The following PTN variants were observed in gnomAD, a reference collection of about 807,000 sequenced individuals.
PTN encodes the protein pleiotrophin.
In PTN, 18 loss-of-function variants were observed where a neutral mutation model predicts 24.1. The ratio of observed to expected loss-of-function variants is 0.75; its 90% CI spans 0.52 to 1.11. PTN has a LOEUF of 1.11. Among genes scored for constraint, PTN ranks in the 50% least tolerant of loss-of-function variants. PTN has a pLI of 0.00. For synonymous variants in PTN, 78 were observed against 68.6 expected (o/e 1.14, Z -0.67); for missense variants, 163 against 198.8 (o/e 0.82, Z 1.08).
At chr7:137,243,156 C>T (rs753617542) in intron 4 of PTN, among the ~76,000 whole-genome samples, 5 of 152,088 alleles carry the variant, frequency 3.3e-5, no homozygotes, top group Non-Finnish European at 5.9e-5. Context: ...AGGATGGTCT[C>T]GATCTCTTGA....
intron 1 of PTN, among the ~76,000 whole-genome samples, chr7:137,337,249 T>C (rs1236068165): frequency 2.6e-5 from 4 of 152,192 alleles, no homozygotes; most frequent in African/African-American, 9.6e-5. Flanking sequence ...GGGTTTGACA[T>C]GAGAGACAAA....
intron 1 of PTN, among the ~76,000 whole-genome samples, chr7:137,278,597 A>C (rs62487108): frequency 0.16 from 24,152 of 151,990 alleles, 2,503 homozygotes; most frequent in African/African-American, 0.29. Context: ...ATTGATCTGA[A>C]AAACATAACA....
rs555395727 is a variant in PTN, at chr7:137,328,832, A to G, written c.-2+14607T>C. Reference sequence around the variant, plus strand: ...GGGTAATCTAACAGCAACATTCCTTATCCAAGACACGGTAATCTCTTGATC... The same window carrying G: ...GGGTAATCTAACAGCAACATTCCTTGTCCAAGACACGGTAATCTCTTGATC... On this transcript the variant is annotated intron_variant, in intron 1 of 4. Transcript: ENST00000348225. 4.6e-5 allele frequency among the ~76,000 whole-genome samples: 7 copies of G among 152,304 alleles called. No homozygotes were observed. The South Asian group carries it at 1.5e-3, about 32-fold the overall frequency.
At chr7:137,315,454 G>A (rs1414066337) in intron 1 of PTN, among the ~76,000 whole-genome samples, 1 of 152,092 alleles carries the variant, frequency 6.6e-6, no homozygotes, top group Admixed American at 6.5e-5. Context: ...GTAACCTCTG[G>A]GCTGATATTA....
intron 1 of PTN, among the ~76,000 whole-genome samples, chr7:137,303,991 G>A (rs1809847043): frequency 6.6e-6 from 1 of 151,978 alleles, no homozygotes; most frequent in Admixed American, 6.6e-5. Flanking sequence ...GTAAAGTTGT[G>A]TATAAGGTGG....
chr7:137,285,812 G>A (rs367640605), intron 1 of PTN, among the ~76,000 whole-genome samples: 23 of 152,244 alleles, frequency 1.5e-4, no homozygotes, highest in African/African-American at 4.3e-4. Context: ...CTTTCTACCC[G>A]TCTCCAGTAA....
At chr7:137,292,781 A>C (rs1367287943) in intron 1 of PTN, among the ~76,000 whole-genome samples, 1 of 152,198 alleles carries the variant, frequency 6.6e-6, no homozygotes, top group South Asian at 2.1e-4. Context: ...AATATTTTCA[A>C]TTCAGGTTTG....
intron 1 of PTN, among the ~76,000 whole-genome samples, chr7:137,330,527 A>C (rs533260837): frequency 1.3e-5 from 2 of 152,296 alleles, no homozygotes; most frequent in African/African-American, 4.8e-5. Context: ...TCCAGCCCAC[A>C]AAAAGCACAC....
At chr7:137,246,114 C>T (rs1808719008) in intron 4 of PTN, among the ~76,000 whole-genome samples, 1 of 152,152 alleles carries the variant, frequency 6.6e-6, no homozygotes, top group Non-Finnish European at 1.5e-5. Flanking sequence ...CATTCAGTGA[C>T]TCACCCAGAG....
chr7:137,240,687 G>A (rs752426170), intron 4 of PTN, among the ~76,000 whole-genome samples: 4 of 152,202 alleles, frequency 2.6e-5, no homozygotes, highest in Admixed American at 6.5e-5. Flanking sequence ...GCAATGTCTA[G>A]AGAAAGATCA....
At chr7:137,320,661 C>T (rs1006547143) in intron 1 of PTN, among the ~76,000 whole-genome samples, 6 of 151,936 alleles carry the variant, frequency 3.9e-5, no homozygotes, top group African/African-American at 7.3e-5. Context: ...ATTCCAAATA[C>T]GGAATAGAGA....
In PTN at chr7:137,335,182, T is replaced by G. The variant is rs528575461; in HGVS notation, c.-2+8257A>C. ...ACATTGTGCACATGTACCCTAAAAC[T>G]TAAAGTATAATAATAATAAAAAAAA... On this transcript the variant is annotated intron_variant, in intron 1 of 4. Transcript: ENST00000348225. 2.0e-5 allele frequency among the ~76,000 whole-genome samples: 3 copies of G among 151,684 alleles called. No homozygotes were observed. In the South Asian group the frequency reaches 6.2e-4, roughly 32 times the overall value.
At chr7:137,235,479 A>G (rs1016507030) in intron 4 of PTN, among the ~76,000 whole-genome samples, 2 of 152,176 alleles carry the variant, frequency 1.3e-5, no homozygotes, top group African/African-American at 4.8e-5. Flanking sequence ...GGCAAAATAC[A>G]GAAACATATT....
chr7:137,323,022 T>C (rs1562923275), intron 1 of PTN, among the ~76,000 whole-genome samples: 1 of 152,354 alleles, frequency 6.6e-6, no homozygotes, highest in Non-Finnish European at 1.5e-5. Flanking sequence ...GTTACTTCTG[T>C]AACTCCACTT....
chr7:137,255,048 T>C, intron 1 of PTN, 74 bp from the exon 2 acceptor site: 1 of 995,126 alleles, frequency 1.0e-6, no homozygotes, highest in East Asian at 2.6e-5. Context: ...GAACCCTTGA[T>C]GAAAAGGCTC....
At chr7:137,251,510 G>T in intron 3 of PTN, 119 bp from the exon 4 acceptor site, 2 of 1,136,710 alleles carry the variant, frequency 1.8e-6, no homozygotes, top group Non-Finnish European at 1.3e-6. Context: ...TCCATATGCA[G>T]CTATAAGAAA....
chr7:137,337,301 A>G (rs796785909), intron 1 of PTN, among the ~76,000 whole-genome samples: 16 of 152,322 alleles, frequency 1.1e-4, no homozygotes, highest in African/African-American at 3.1e-4. Flanking sequence ...AAGAGATGGC[A>G]TTATATTACA....
chr7:137,260,922 T>G (rs1809025179), intron 1 of PTN, among the ~76,000 whole-genome samples: 2 of 152,162 alleles, frequency 1.3e-5, no homozygotes, highest in African/African-American at 4.8e-5. Context: ...CTTAACATAA[T>G]TCCATAAAGA....
intron 2 of PTN, 60 bp downstream of exon 2, chr7:137,254,799 A>T: frequency 1.7e-6 from 2 of 1,151,414 alleles, no homozygotes; most frequent in Non-Finnish European, 2.4e-6. Flanking sequence ...AAAAGCAGGT[A>T]ATTAGACTAG....
Sources: allele counts gnomAD v4.1 joint callset (sites outside exome capture counted in the v4.1 genomes callset), GRCh38; gene constraint gnomAD v4.1.1; transcripts MANE v1.5; gene names NCBI Gene and HGNC (gene_info 2026-07-23, HGNC 2026-07-21).